The following OSBPL10 variants were observed in gnomAD, a reference collection of about 807,000 sequenced individuals.
OSBPL10 encodes the protein oxysterol binding protein like 10, also known as oxysterol-binding protein-related protein 10.
A neutral mutation model predicts 81.7 loss-of-function variants in OSBPL10; 49 were observed. That is an observed-to-expected ratio of 0.60 (90% CI 0.48 to 0.76). The LOEUF is 0.76. Ranked by LOEUF, OSBPL10 falls within the 30% of genes least tolerant of loss-of-function variation. The pLI, the probability that OSBPL10 is intolerant of heterozygous loss-of-function variation, is 0.00. For missense variants in OSBPL10, 923 were observed against 987.8 expected (o/e 0.93, Z 0.88); for synonymous variants, 419 against 383.6 (o/e 1.09, Z -1.08).
Position 31,888,553 on chromosome 3 carries a change from A to G in OSBPL10, c.282-8723T>C, listed in dbSNP as rs116197023. Among the ~76,000 whole-genome samples the G allele has an allele frequency of 1.1e-3, 164 of 152,336 alleles. 1 individual carries two copies. Among genetic ancestry groups the G allele is most frequent in the African/African-American group, 3.7e-3 (155 of 41,582 alleles). Reference sequence around the variant, plus strand: ...GACAATCTACAGAATGGGGGAAAATATTTGCAAACTATTCATCTAACAAGA... The same window carrying G: ...GACAATCTACAGAATGGGGGAAAATGTTTGCAAACTATTCATCTAACAAGA... On this transcript the variant is annotated intron_variant, in intron 1 of 11. Transcript: ENST00000396556.
rs193099686 is a variant in OSBPL10 at position 32,017,964 on chromosome 3, C to A, written n.298+28527G>T. ...AGGAGTTCGAGACCAGCCTGGCCAA[C>A]ATGGTGAAACCCCGTCTCTACTAAA... On this transcript the variant is annotated intron_variant and non_coding_transcript_variant, in intron 2 of 3. Transcript: ENST00000479173. Among the ~76,000 whole-genome samples the A allele has an allele frequency of 4.1e-3, 623 of 152,066 alleles. 9 individuals carry two copies. Among genetic ancestry groups the A allele is most frequent in the African/African-American group, 0.014 (591 of 41,476 alleles).
At chr3:31,837,696 G>A (rs2125546622) in intron 3 of OSBPL10, among the ~76,000 whole-genome samples, 1 of 149,330 alleles carries the variant, frequency 6.7e-6, no homozygotes, top group Admixed American at 6.7e-5. Flanking sequence ...CCAGATATAT[G>A]ATGAATTTAG....
chr3:31,842,179 C>T (rs2125556965), intron 3 of OSBPL10, among the ~76,000 whole-genome samples: 1 of 152,294 alleles, frequency 6.6e-6, no homozygotes, highest in Admixed American at 6.5e-5. Context: ...TAAAATGACA[C>T]ACACACTTAA....
intron 3 of OSBPL10, among the ~76,000 whole-genome samples, chr3:31,838,703 G>A (rs1264551574): frequency 1.3e-5 from 2 of 151,986 alleles, no homozygotes; most frequent in Non-Finnish European, 2.9e-5. Context: ...CACCATAACT[G>A]GGAGCTGAGT....
chr3:31,757,527 G>A (rs565611210), intron 4 of OSBPL10, among the ~76,000 whole-genome samples: 1 of 152,202 alleles, frequency 6.6e-6, no homozygotes. Context: ...ACAACTGTGA[G>A]ACAATGAATT....
chr3:31,707,844 C>T (rs1048681052), intron 6 of OSBPL10, among the ~76,000 whole-genome samples: 2 of 152,088 alleles, frequency 1.3e-5, no homozygotes, highest in African/African-American at 2.4e-5. Flanking sequence ...CTTATGTTTT[C>T]TAGGGGAAAA....
intron 2 of OSBPL10, among the ~76,000 whole-genome samples, chr3:32,009,098 A>G (rs971291969): frequency 2.0e-5 from 3 of 152,184 alleles, no homozygotes; most frequent in African/African-American, 7.2e-5. Context: ...CAGTCACTGT[A>G]AAGTGTTTTT....
At chr3:31,923,654 G>C (rs187109289) in intron 1 of OSBPL10, among the ~76,000 whole-genome samples, 56 of 152,232 alleles carry the variant, frequency 3.7e-4, no homozygotes, top group African/African-American at 1.3e-3. Context: ...AGCTGATTTG[G>C]TGCACACCTG....
At chr3:31,664,537 G>A in intron 10 of OSBPL10, 1 of 499,142 alleles carries the variant, frequency 2.0e-6, no homozygotes, top group Non-Finnish European at 3.6e-6. Flanking sequence ...AACAACGGTA[G>A]CAGGCACATA....
intron 1 of OSBPL10, among the ~76,000 whole-genome samples, chr3:31,889,117 C>T (rs9848562): frequency 0.69 from 104,392 of 152,028 alleles, 36,045 homozygotes; most frequent in East Asian, 0.87. Flanking sequence ...CTAACCCCAG[C>T]TCGCATGGCT....
chr3:31,957,886 A>G lies in OSBPL10; in HGVS notation c.281+23013T>C, dbSNP rs138436271. On this transcript the variant is annotated intron_variant, in intron 1 of 11. Transcript: ENST00000396556. ...AAACCCCTGACCTCGTGATCTGCCC[A>G]CCTCAGCCTCCCAAAGTGCTAGGAT... 2.8e-3 allele frequency among the ~76,000 whole-genome samples: 429 copies of G among 152,200 alleles called. 3 individuals carry two copies. Among genetic ancestry groups the G allele is most frequent in the African/African-American group, 9.8e-3 (407 of 41,524 alleles).
intron 1 of OSBPL10, among the ~76,000 whole-genome samples, chr3:32,068,437 C>T (rs1399695720): frequency 1.3e-5 from 2 of 152,150 alleles, no homozygotes; most frequent in Non-Finnish European, 2.9e-5. Flanking sequence ...TGTCTCTACC[C>T]TTCTCTTTAA....
chr3:31,783,121 A>T (rs1343046367), intron 4 of OSBPL10, among the ~76,000 whole-genome samples: 8 of 24,570 alleles, frequency 3.3e-4, no homozygotes, highest in East Asian at 4.0e-3. Flanking sequence ...TTATATATAT[A>T]TATATATATA....
At chr3:31,980,257 C>A (rs1004878696) in intron 1 of OSBPL10, among the ~76,000 whole-genome samples, 1 of 152,138 alleles carries the variant, frequency 6.6e-6, no homozygotes, top group Admixed American at 6.5e-5. Context: ...CCGCCTCGGC[C>A]TCCCAAAGTA....
rs143514728 is a variant in OSBPL10 at position 31,924,523 on chromosome 3, A to T, written c.282-44693T>A. ...CTGGATAACAAAATCTCTCCCGTAA[A>T]ATTGAAAACACAAGCCCAATTTGGA... On this transcript the variant is annotated intron_variant, in intron 1 of 11. Transcript: ENST00000396556. 2.8e-4 allele frequency among the ~76,000 whole-genome samples: 43 copies of T among 152,308 alleles called. No individual in the cohort carries two copies. The East Asian group carries it at 7.7e-3, about 27-fold the overall frequency.
chr3:31,837,649 C>A (rs868538026), intron 3 of OSBPL10, among the ~76,000 whole-genome samples: 105 of 136,352 alleles, frequency 7.7e-4, no homozygotes, highest in Admixed American at 7.9e-4. Flanking sequence ...TGTTTTATTT[C>A]AAAAAAAAAA....
chr3:31,833,699 G>A (rs11921363), intron 3 of OSBPL10, among the ~76,000 whole-genome samples: 14,890 of 117,298 alleles, frequency 0.13, 762 homozygotes, highest in Middle Eastern at 0.16. Context: ...ACACGCACAC[G>A]CACACGCACA....
intron 1 of OSBPL10, among the ~76,000 whole-genome samples, chr3:31,890,365 T>A (rs550495177): frequency 6.6e-6 from 1 of 151,924 alleles, no homozygotes; most frequent in East Asian, 1.9e-4. Flanking sequence ...ATTTCTTGGT[T>A]TTGTCACTCT....
At chr3:31,842,819 C>T (rs564780235) in intron 3 of OSBPL10, among the ~76,000 whole-genome samples, 34 of 152,208 alleles carry the variant, frequency 2.2e-4, no homozygotes, top group Admixed American at 9.8e-4. Flanking sequence ...AAAACTGATA[C>T]GGGAAGAGCA....
Sources: allele counts gnomAD v4.1 joint callset (sites outside exome capture counted in the v4.1 genomes callset), GRCh38; gene constraint gnomAD v4.1.1; transcripts MANE v1.5; gene names NCBI Gene and HGNC (gene_info 2026-07-23, HGNC 2026-07-21).